The following KDM2B variants were observed in gnomAD, a reference collection of about 807,000 sequenced individuals.
KDM2B encodes the protein lysine-specific demethylase 2B.
A neutral mutation model predicts 150.0 loss-of-function variants in KDM2B; 26 were observed. That is an observed-to-expected ratio of 0.17 (90% CI 0.13 to 0.24). The LOEUF is 0.24. Ranked by LOEUF, KDM2B falls within the 10% of genes least tolerant of loss-of-function variation. KDM2B has a pLI of 1.00. For synonymous variants in KDM2B, 734 were observed against 729.5 expected, an observed-to-expected ratio of 1.01 and a Z score of -0.10; for missense variants, 1,265 against 1,816.9, an observed-to-expected ratio of 0.70 and a Z score of 5.52.
At chr12:121,574,250 C>G (rs955666408) in intron 4 of KDM2B, 4 of 303,560 alleles carry the variant, frequency 1.3e-5, no homozygotes, top group Middle Eastern at 1.1e-3. Flanking sequence ...CGGCAACCCA[C>G]AAACAAATGC....
At chr12:121,414,798 G>A in the KDM2B span, among the ~76,000 whole-genome samples, 2 of 152,022 alleles carry the variant, frequency 1.3e-5, no homozygotes, top group Admixed American at 6.6e-5. Context: ...TTTGGCCCTC[G>A]CTGAAAGCTG....
the KDM2B span, among the ~76,000 whole-genome samples, chr12:121,411,649 T>C: frequency 6.6e-6 from 1 of 152,208 alleles, no homozygotes; most frequent in Non-Finnish European, 1.5e-5. Flanking sequence ...ATGTAAAATT[T>C]TATAATGTTA....
chr12:121,441,333 G>T, intron 19 of KDM2B, 100 bp from the exon 20 acceptor site: 1 of 1,196,066 alleles, frequency 8.4e-7, no homozygotes, highest in South Asian at 1.4e-5. Flanking sequence ...CCTCTGGGAG[G>T]CTCCTTAACT....
rs782006111 is a variant in KDM2B, at chr12:121,444,970, C to T, written c.2103+305G>A. ...CCAGAAGCCTGGAGCCACCTGGAGG[C>T]GCTTCCTCTGGCCCAGCTACAAACA... is the stretch of plus-strand genomic sequence containing the variant. On this transcript the variant is annotated intron_variant, in intron 14 of 22. Transcript: ENST00000377071. 3.5e-5 allele frequency: 15 copies of T among 422,758 alleles called. 1 individual carries two copies. Among genetic ancestry groups the T allele is most frequent in the South Asian group, 3.2e-4 (11 of 34,458 alleles). The allele number at this position is 422,758 out of a possible 1,614,324, so 26.2% of individuals were successfully genotyped here.
intron 1 of KDM2B, chr12:121,579,508 C>A: frequency 9.3e-7 from 1 of 1,069,898 alleles, no homozygotes; most frequent in South Asian, 1.3e-5. Flanking sequence ...CGCCGCCCGC[C>A]CGCCAGTGCA....
At chr12:121,484,303 G>A (rs1882505453) in intron 12 of KDM2B, among the ~76,000 whole-genome samples, 2 of 152,236 alleles carry the variant, frequency 1.3e-5, no homozygotes, top group Middle Eastern at 3.4e-3. Flanking sequence ...GTTGGGGCTG[G>A]CATGGAGAGG....
intron 8 of KDM2B, among the ~76,000 whole-genome samples, chr12:121,523,001 G>A (rs1268916875): frequency 6.6e-6 from 1 of 152,228 alleles, no homozygotes; most frequent in Non-Finnish European, 1.5e-5. Context: ...ATTCACAGTG[G>A]CCATACTGCA....
intron 6 of KDM2B, among the ~76,000 whole-genome samples, chr12:121,543,596 T>A (rs944827378): frequency 1.3e-5 from 2 of 151,682 alleles, no homozygotes; most frequent in Non-Finnish European, 2.9e-5. Context: ...GAGGTCGAGG[T>A]GGGCAGATCA....
intron 12 of KDM2B, among the ~76,000 whole-genome samples, chr12:121,464,597 G>A (rs1879598328): frequency 6.6e-6 from 1 of 152,202 alleles, no homozygotes; most frequent in African/African-American, 2.4e-5. Context: ...AAACTCTGAT[G>A]GGGTGGGCGT....
chr12:121,524,075 A>G (rs1886920595), intron 8 of KDM2B, among the ~76,000 whole-genome samples: 1 of 151,690 alleles, frequency 6.6e-6, no homozygotes, highest in Admixed American at 6.6e-5. Flanking sequence ...ACATTTCCTA[A>G]GATTGGGACC....
chr12:121,456,650 GCCC>G (rs1566287854), intron 12 of KDM2B, among the ~76,000 whole-genome samples: 1 of 152,168 alleles, frequency 6.6e-6, no homozygotes, highest in East Asian at 1.9e-4. Context: ...TGGCCTCCCT[GCCC>G]CGAGGACAGT....
chr12:121,533,099 A>G lies in KDM2B; in HGVS notation c.778-140T>C. The stretch of plus-strand genomic sequence containing the variant: ...GGGGGTGTGGAGAGATGGCAGATCC[A>G]TCCCTCTGGACTCTCTGCAAGGCCA... On this transcript the variant is annotated intron_variant, in intron 7 of 22. Transcript: ENST00000377071. This position sits in a 1 kb window ranked among gnomAD's most constrained non-coding sequence, Gnocchi z 4.1. 1 of 799,336 alleles carries G rather than the reference A, an allele frequency of 1.3e-6. No individual in the cohort carries two copies. Among genetic ancestry groups the G allele is most frequent in the Non-Finnish European group, 2.0e-6 (1 of 501,704 alleles). The allele number at this position is 799,336 out of a possible 1,614,324, so 49.5% of individuals were successfully genotyped here.
intron 12 of KDM2B, chr12:121,493,955 G>A (rs1481388819): frequency 6.6e-6 from 1 of 152,560 alleles, no homozygotes; most frequent in Non-Finnish European, 1.5e-5. Context: ...CACCTCCCAG[G>A]TTCAAGTGAT....
the KDM2B span, among the ~76,000 whole-genome samples, chr12:121,415,840 CTTTTT>C: frequency 2.8e-5 from 3 of 108,092 alleles, no homozygotes; most frequent in Non-Finnish European, 3.6e-5. Context: ...TTTGTCCAGT[CTTTTT>C]TTTTTTTTTT....
At chr12:121,560,192 G>A (rs1416851552) in intron 4 of KDM2B, among the ~76,000 whole-genome samples, 1 of 151,742 alleles carries the variant, frequency 6.6e-6, no homozygotes, top group African/African-American at 2.4e-5. Context: ...TGTAGAGACA[G>A]GGTTTCACTC....
chr12:121,541,092 C>T lies in KDM2B; in HGVS notation c.684-6502G>A, dbSNP rs577322232. Among the ~76,000 whole-genome samples, 320 of 151,854 alleles carry T rather than the reference C, an allele frequency of 2.1e-3. 2 individuals carry two copies. The highest frequency in any genetic ancestry group is 7.5e-3 in the African/African-American group (309 of 41,394). On this transcript the variant is annotated intron_variant, in intron 6 of 22. Coordinates refer to ENST00000377071, the MANE Select transcript of KDM2B (RefSeq NM_032590.5). ...TACTAAAAATACAAAATTAGCCAGC[C>T]GTGGTGGCACATGCCTGTAATCCCA...
At chr12:121,440,678 G>T in intron 21 of KDM2B, 138 bp downstream of exon 21, 2 of 867,802 alleles carry the variant, frequency 2.3e-6, no homozygotes, top group Non-Finnish European at 3.5e-6. Flanking sequence ...CTCTGTGCCT[G>T]AAGCAAACTG....
At chr12:121,553,831 G>A (rs1889693643) in intron 4 of KDM2B, among the ~76,000 whole-genome samples, 1 of 152,140 alleles carries the variant, frequency 6.6e-6, no homozygotes, top group South Asian at 2.1e-4. Flanking sequence ...GGTTCTTCTG[G>A]GGAATGATGA....
chr12:121,417,208 C>T, the KDM2B span, among the ~76,000 whole-genome samples: 1 of 152,176 alleles, frequency 6.6e-6, no homozygotes, highest in Non-Finnish European at 1.5e-5. The surrounding 1 kb of genome is among the most constrained non-coding windows in gnomAD (Gnocchi z 5.0). Context: ...GTGGTTCAAG[C>T]TCTGTTTTGT....
Sources: allele counts gnomAD v4.1 joint callset (sites outside exome capture counted in the v4.1 genomes callset), GRCh38; gene constraint gnomAD v4.1.1; non-coding constraint Gnocchi (gnomAD v3.1); transcripts MANE v1.5; gene names NCBI Gene and HGNC (gene_info 2026-07-23, HGNC 2026-07-21).